The following C16orf96 variants were observed in gnomAD, a reference collection of about 807,000 sequenced individuals.
The protein encoded by C16orf96 is uncharacterized protein C16orf96.
A neutral mutation model predicts 103.6 loss-of-function variants in C16orf96; 108 were observed. That is an observed-to-expected ratio of 1.04 (90% CI 0.89 to 1.22). C16orf96 has a LOEUF of 1.22. Ranked by LOEUF, C16orf96 falls within the 50% of genes most tolerant of loss-of-function variation. C16orf96 has a pLI of 0.00. For missense variants in C16orf96, 1,586 were observed against 1,464.2 expected (o/e 1.08, Z -1.36); for synonymous variants, 566 against 593.5 (o/e 0.95, Z 0.67).
At chr16:4,590,489 G>T (rs945489063) in intron 9 of C16orf96, among the ~76,000 whole-genome samples, 1 of 151,726 alleles carries the variant, frequency 6.6e-6, no homozygotes, top group South Asian at 2.1e-4. Context: ...AACCCGGGAG[G>T]TGGAGGTTGC....
chr16:4,575,401 G>A lies in C16orf96; in HGVS notation c.921G>A (p.Ala307=), dbSNP rs1019782907. The A allele has an allele frequency of 9.7e-6, 15 of 1,550,256 alleles. No homozygotes were observed. Among genetic ancestry groups the A allele is most frequent in the East Asian group, 2.4e-5 (1 of 40,916 alleles). The change falls in exon 5 of 16, where the codon GCG becomes GCA. Residue 307 remains alanine, a synonymous_variant. Coordinates refer to ENST00000444310, the MANE Select transcript of C16orf96 (RefSeq NM_001145011.2). Reference sequence around the variant, plus strand: ...CACTCAGCAGAGCCCAGGAGCCAGCGCAGCCTCCGGCCCTCACGCCTGAGT... The same window carrying A: ...CACTCAGCAGAGCCCAGGAGCCAGCACAGCCTCCGGCCCTCACGCCTGAGT... ...AVSLSRAQEP[A]QPPALTPESA... is the part of the protein sequence containing the mutation.
chr16:4,554,069 T>C (rs1200203233), upstream of C16orf96, among the ~76,000 whole-genome samples: 1 of 152,134 alleles, frequency 6.6e-6, no homozygotes, highest in African/African-American at 2.4e-5. Context: ...CCCTGCAGAC[T>C]TTCCCAGGAG....
At chr16:4,592,486 C>T in intron 11 of C16orf96, 119 bp downstream of exon 11, 3 of 1,185,288 alleles carry the variant, frequency 2.5e-6, no homozygotes, top group South Asian at 2.7e-5. Flanking sequence ...CATCCATATA[C>T]AGCATTCTCT....
rs1213702805 is a variant in C16orf96 at position 4,594,507 on chromosome 16, C to T, written c.3024C>T (p.Asp1008=). ...PYGDPHVIDY[D]SAEVDILGVD... ...GGGATCCCCACGTGATCGACTATGACAGCGTGAGTCTGGCCGGGGCCTCCT... is the reference window on the plus strand; with the variant it reads ...GGGATCCCCACGTGATCGACTATGATAGCGTGAGTCTGGCCGGGGCCTCCT... Residue 1008 remains aspartate (D), a synonymous_variant, in exon 13 of 16, where the codon GAC becomes GAT. Transcript: ENST00000444310. 1.3e-6 allele frequency: 2 copies of T among 1,550,550 alleles called. No homozygotes were observed. Among genetic ancestry groups the T allele is most frequent in the Middle Eastern group, 1.7e-4 (1 of 5,990 alleles).
chr16:4,595,557 A>G (rs559067593), intron 14 of C16orf96, among the ~76,000 whole-genome samples: 11 of 152,228 alleles, frequency 7.2e-5, no homozygotes, highest in African/African-American at 2.6e-4. Context: ...CACCCCTTGA[A>G]GGCTCTTCCC....
In C16orf96 at chr16:4,576,516, A is replaced by G. The variant is rs1284681666; in HGVS notation, c.2036A>G (p.Lys679Arg). ...ATKQAMSPEDKKRAVKYSMSH... is the reference protein window; with the variant it reads ...ATKQAMSPEDRKRAVKYSMSH... ...AAGCAGGCCATGAGCCCTGAAGACAAGAAGAGGGCTGTCAAGTATTCCATG... is the reference window on the plus strand; with the variant it reads ...AAGCAGGCCATGAGCCCTGAAGACAGGAAGAGGGCTGTCAAGTATTCCATG... The change falls in exon 5 of 16, where the codon AAG (lysine) becomes AGG (arginine). Residue 679 changes from lysine (K) to arginine (R), a missense_variant. Physicochemically the swap from Lys to Arg is conservative, Grantham distance 26. Coordinates refer to ENST00000444310, the MANE Select transcript of C16orf96 (RefSeq NM_001145011.2). 1.3e-6 allele frequency: 2 copies of G among 1,551,588 alleles called. No homozygotes were observed. Among genetic ancestry groups the G allele is most frequent in the South Asian group, 1.2e-5 (1 of 84,070 alleles).
intron 2 of C16orf96, among the ~76,000 whole-genome samples, chr16:4,573,272 C>G (rs987341469): frequency 5.3e-5 from 8 of 151,770 alleles, no homozygotes; most frequent in African/African-American, 1.9e-4. Flanking sequence ...ACCCCCGTCT[C>G]CACTAAAAAT....
At chr16:4,571,945 G>A (rs2059443763) in intron 2 of C16orf96, among the ~76,000 whole-genome samples, 1 of 151,854 alleles carries the variant, frequency 6.6e-6, no homozygotes, top group South Asian at 2.1e-4. Flanking sequence ...TGCCTCCCGG[G>A]TTCAAGTGAT....
upstream of C16orf96, among the ~76,000 whole-genome samples, chr16:4,551,848 C>G (rs1054750820): frequency 1.3e-5 from 2 of 152,014 alleles, no homozygotes; most frequent in Non-Finnish European, 2.9e-5. Context: ...ACCTATCAAC[C>G]CATCATCTAG....
At chr16:4,553,086 G>A (rs1401076954), upstream of C16orf96, among the ~76,000 whole-genome samples, 1 of 152,118 alleles carries the variant, frequency 6.6e-6, no homozygotes, top group Admixed American at 6.6e-5. Flanking sequence ...CTCTCTTCAG[G>A]TCTCAGCTCA....
intron 1 of C16orf96, among the ~76,000 whole-genome samples, chr16:4,559,822 G>C (rs2059308967): frequency 6.6e-6 from 1 of 152,012 alleles, no homozygotes; most frequent in African/African-American, 2.4e-5. Flanking sequence ...TGCCTATTCT[G>C]GACATTTCAT....
chr16:4,593,574 A>G lies in C16orf96; in HGVS notation c.2867+258A>G, dbSNP rs544846485. 2.0e-5 allele frequency among the ~76,000 whole-genome samples: 3 copies of G among 151,718 alleles called. No homozygotes were observed. The highest frequency in any genetic ancestry group is 4.4e-5 in the Non-Finnish European group (3 of 67,932). ...GCCAGGAACTGTTAGACGGTTTCTT[A>G]TTTAAATCTCACAACCCCCTGTGAG... On this transcript the variant is annotated intron_variant, in intron 12 of 15. Coordinates refer to ENST00000444310, the MANE Select transcript of C16orf96 (RefSeq NM_001145011.2). This position sits in a 1 kb window ranked among gnomAD's most constrained non-coding sequence, Gnocchi z 4.2.
intron 1 of C16orf96, among the ~76,000 whole-genome samples, chr16:4,567,783 C>CT (rs1291944288): frequency 2.2e-5 from 3 of 135,164 alleles, no homozygotes; most frequent in African/African-American, 8.0e-5. Context: ...ACTACAACCT[C>CT]TGCTCCTGGG....
At chr16:4,579,404 A>T (rs1160368312) in intron 6 of C16orf96, among the ~76,000 whole-genome samples, 2 of 151,854 alleles carry the variant, frequency 1.3e-5, no homozygotes, top group South Asian at 2.1e-4. Context: ...AAATACAAAA[A>T]TTATCCAGGT....
chr16:4,564,865 T>G (rs1173477194), intron 1 of C16orf96, among the ~76,000 whole-genome samples: 1 of 152,154 alleles, frequency 6.6e-6, no homozygotes, highest in African/African-American at 2.4e-5. Flanking sequence ...TTTTGTAACA[T>G]TGCTTAAAGG....
intron 15 of C16orf96, among the ~76,000 whole-genome samples, chr16:4,599,752 TCA>T (rs1285703584): frequency 6.6e-6 from 1 of 152,220 alleles, no homozygotes; most frequent in African/African-American, 2.4e-5. Flanking sequence ...TTTGCCCATT[TCA>T]CAGAGGAGGG....
intron 9 of C16orf96, among the ~76,000 whole-genome samples, chr16:4,591,061 C>G (rs1359866320): frequency 1.3e-5 from 2 of 151,692 alleles, no homozygotes; most frequent in African/African-American, 4.9e-5. Flanking sequence ...GTAACACGCA[C>G]CTGTAGTCCC....
upstream of C16orf96, among the ~76,000 whole-genome samples, chr16:4,553,744 G>T (rs1457051198): frequency 6.6e-6 from 1 of 152,152 alleles, no homozygotes; most frequent in Non-Finnish European, 1.5e-5. Flanking sequence ...CAAAGTGCTG[G>T]GATTACAGGC....
intron 7 of C16orf96, among the ~76,000 whole-genome samples, chr16:4,585,327 G>A (rs1314203874): frequency 6.6e-6 from 1 of 150,484 alleles, no homozygotes; most frequent in Admixed American, 6.6e-5. Flanking sequence ...GGTAGGTGGT[G>A]TCACCTGCAG....
Sources: gnomAD v4.1 joint callset for allele counts (sites outside exome capture counted in the v4.1 genomes callset) on GRCh38, gnomAD v4.1.1 for gene constraint, Gnocchi (gnomAD v3.1) non-coding constraint, MANE v1.5 for transcripts, NCBI Gene and HGNC (gene_info 2026-07-23, HGNC 2026-07-21) for gene names.